MTMR8: variants seen among roughly 807,000 people sequenced by gnomAD.
The protein encoded by MTMR8 is phosphatidylinositol-3,5-bisphosphate 3-phosphatase MTMR8.
A neutral mutation model predicts 39.3 loss-of-function variants in MTMR8; 65 were observed. The ratio of observed to expected loss-of-function variants is 1.65; its 90% CI spans 1.35 to 2.03. The LOEUF is 2.03. MTMR8 is among the 30% of genes most tolerant of loss of function. The pLI, the probability that MTMR8 is intolerant of heterozygous loss-of-function variation, is 0.00. For missense variants in MTMR8, 777 were observed against 538.9 expected (o/e 1.44, Z -4.37); for synonymous variants, 245 against 185.2 (o/e 1.32, Z -2.62).
At chrX:64,372,614 T>C (rs1237391962) in intron 1 of MTMR8, among the ~76,000 whole-genome samples, 2 of 111,933 alleles carry the variant, frequency 1.8e-5, no homozygotes, top group Non-Finnish European at 3.8e-5. Context: ...TCACCCAGCA[T>C]AATTCTCTTA....
chrX:64,345,045 C>T lies in MTMR8; in HGVS notation c.865G>A (p.Val289Ile), dbSNP rs764561442. ...MRSSLQKLLE[V>I]CELKTPTMSE... ...CCTAGCCAAGGTGAAATCCCTGTAC[C>T]TTCCAAGAGTTTCTGCAGACTGCTC... Residue 289 changes from valine to isoleucine, a missense_variant and splice_region_variant, in exon 7 of 14, where the codon GTT (valine) becomes ATT (isoleucine). By Grantham distance (29) the Val-to-Ile change is conservative. Transcript: ENST00000374852. 2 of 1,209,330 alleles carry T rather than the reference C, an allele frequency of 1.7e-6. No individual in the cohort carries two copies. The highest frequency in any genetic ancestry group is 4.4e-5 in the Admixed American group (2 of 45,795).
At chrX:64,277,783 T>G (rs892659132) in intron 12 of MTMR8, among the ~76,000 whole-genome samples, 1 of 111,522 alleles carries the variant, frequency 9.0e-6, no homozygotes, top group African/African-American at 3.3e-5. Context: ...TCTGTCTTGC[T>G]AGGTTGGGGA....
Position 64,382,545 on chromosome X carries a change from G to T in MTMR8, c.24+12795C>A, listed in dbSNP as rs180793979. On this transcript the variant is annotated intron_variant, in intron 1 of 13. Coordinates refer to ENST00000374852, the MANE Select transcript of MTMR8 (RefSeq NM_017677.4). ...TTCTAGATATACAATCATGTCATCT[G>T]CAAACAGGGACAATTTGACTTCCTA... is the stretch of plus-strand genomic sequence containing the variant. Among the ~76,000 whole-genome samples the T allele has an allele frequency of 1.5e-3, 172 of 111,487 alleles. 4 individuals carry two copies. The South Asian group carries it at 0.064, about 42-fold the overall frequency.
At chrX:64,271,097 A>T (rs369285774) in intron 12 of MTMR8, 24 bp from the exon 13 acceptor site, 1 of 1,172,582 alleles carries the variant, frequency 8.5e-7, no homozygotes, top group Non-Finnish European at 1.1e-6. Context: ...AAATGGGGGG[A>T]AAAGTGGGTT....
At chrX:64,370,970 T>C (rs1924116173) in intron 1 of MTMR8, among the ~76,000 whole-genome samples, 1 of 111,261 alleles carries the variant, frequency 9.0e-6, no homozygotes, top group East Asian at 2.9e-4. Context: ...CTGGGCAACA[T>C]AGCAAGAACT....
At chrX:64,376,097 C>A (rs917235558) in intron 1 of MTMR8, among the ~76,000 whole-genome samples, 1 of 112,355 alleles carries the variant, frequency 8.9e-6, no homozygotes, top group African/African-American at 3.2e-5. Flanking sequence ...GTACAGCCTG[C>A]AGAGCTGTGA....
chrX:64,279,968 G>A (rs369284604), intron 12 of MTMR8, among the ~76,000 whole-genome samples: 2 of 111,675 alleles, frequency 1.8e-5, no homozygotes, highest in East Asian at 5.6e-4. Context: ...TAAATTCCTG[G>A]ACACATACAC....
Position 64,345,025 on chromosome X carries a change from C to T in MTMR8, c.865+20G>A. ...CGCAAAGCTATGGCCGCTTGCCTAG[C>T]CAAGGTGAAATCCCTGTACCTTCCA... On this transcript the variant is annotated intron_variant, in intron 7 of 13. Transcript: ENST00000374852. 1 of 1,203,791 alleles carries T rather than the reference C, an allele frequency of 8.3e-7. No homozygotes were observed. The highest frequency in any genetic ancestry group is 1.7e-5 in the African/African-American group (1 of 57,616).
At chrX:64,339,470 T>C (rs1314379957) in intron 8 of MTMR8, among the ~76,000 whole-genome samples, 4 of 111,536 alleles carry the variant, frequency 3.6e-5, no homozygotes, top group Non-Finnish European at 7.5e-5. Flanking sequence ...ATAGTAATTA[T>C]ATGAAAATTG....
intron 4 of MTMR8, among the ~76,000 whole-genome samples, chrX:64,353,636 G>A (rs777479018): frequency 7.1e-5 from 8 of 111,914 alleles, no homozygotes; most frequent in South Asian, 3.7e-4. Context: ...TACACAATTG[G>A]TAGGAATGTA....
At chrX:64,320,790 G>T (rs1433815665) in intron 12 of MTMR8, among the ~76,000 whole-genome samples, 2 of 111,649 alleles carry the variant, frequency 1.8e-5, no homozygotes, top group Non-Finnish European at 3.8e-5. Flanking sequence ...GCTTTCACCT[G>T]TGGCTTACTT....
At chrX:64,366,112 C>G (rs1371908783) in intron 1 of MTMR8, among the ~76,000 whole-genome samples, 1 of 111,701 alleles carries the variant, frequency 9.0e-6, no homozygotes, top group East Asian at 2.8e-4. Context: ...AAAGCAAGTA[C>G]TTAGAGAACA....
chrX:64,322,016 C>T (rs768716921), intron 12 of MTMR8, among the ~76,000 whole-genome samples: 10 of 110,116 alleles, frequency 9.1e-5, no homozygotes, highest in South Asian at 3.8e-4. Context: ...ATGTTTTTAA[C>T]GTGCTGTCGA....
intron 1 of MTMR8, among the ~76,000 whole-genome samples, chrX:64,368,449 A>C (rs1351676967): frequency 9.0e-6 from 1 of 111,651 alleles, no homozygotes; most frequent in African/African-American, 3.3e-5. Context: ...CTCAGGAATA[A>C]CACCACACAT....
At chrX:64,300,278 C>T (rs12380973) in intron 12 of MTMR8, among the ~76,000 whole-genome samples, 93 of 111,323 alleles carry the variant, frequency 8.4e-4, no homozygotes, top group Non-Finnish European at 1.5e-3. Flanking sequence ...ATTGGGTGCA[C>T]ATATATTTAG....
intron 12 of MTMR8, among the ~76,000 whole-genome samples, chrX:64,308,285 G>T (rs1922186250): frequency 9.3e-6 from 1 of 107,624 alleles, no homozygotes; most frequent in African/African-American, 3.4e-5. Context: ...CTCCAGAGCA[G>T]CTGGGACTAC....
chrX:64,287,539 G>A (rs750892034), intron 12 of MTMR8, among the ~76,000 whole-genome samples: 68 of 111,136 alleles, frequency 6.1e-4, no homozygotes, highest in African/African-American at 2.1e-3. Context: ...CAAAGCTGGA[G>A]GCATCACGCT....
At chrX:64,283,167 A>C (rs574162261) in intron 12 of MTMR8, among the ~76,000 whole-genome samples, 1 of 112,226 alleles carries the variant, frequency 8.9e-6, no homozygotes, top group South Asian at 3.7e-4. Flanking sequence ...ACGGCACACC[A>C]GGAGATTATA....
In MTMR8 at chrX:64,283,984, G is replaced by C. The variant is rs1029705013; in HGVS notation, c.1482-12911C>G. Among the ~76,000 whole-genome samples the C allele has an allele frequency of 5.3e-5, 6 of 112,431 alleles. No individual in the cohort carries two copies. The East Asian group carries it at 1.7e-3, about 32-fold the overall frequency. On this transcript the variant is annotated intron_variant, in intron 12 of 13. Transcript: ENST00000374852. Reference sequence around the variant, plus strand: ...ACAAAGCTGGATGGAGAAGGACTTTGACGAGTTGAGAGAAGAAGGCTTCAG... The same window carrying C: ...ACAAAGCTGGATGGAGAAGGACTTTCACGAGTTGAGAGAAGAAGGCTTCAG...
Sources: gnomAD v4.1 joint callset for allele counts (sites outside exome capture counted in the v4.1 genomes callset) on GRCh38, gnomAD v4.1.1 for gene constraint, MANE v1.5 for transcripts, NCBI Gene and HGNC (gene_info 2026-07-23, HGNC 2026-07-21) for gene names.